Variants in KCTD8 observed in about 807,000 individuals in gnomAD.
KCTD8 encodes the protein BTB/POZ domain-containing protein KCTD8.
A neutral mutation model predicts 31.5 loss-of-function variants in KCTD8; 27 were observed. The ratio of observed to expected loss-of-function variants is 0.86; its 90% confidence interval spans 0.63 to 1.18. The LOEUF is 1.18. Ranked by LOEUF, KCTD8 falls within the 50% of genes most tolerant of loss-of-function variation. The pLI is 0.00. For synonymous variants in KCTD8, 290 were observed against 280.0 expected, an observed-to-expected ratio of 1.04 and a Z score of -0.36; for missense variants, 658 against 647.7, an observed-to-expected ratio of 1.02 and a Z score of -0.17.
chr4:44,387,628 C>A (rs1284773491), intron 1 of KCTD8, among the ~76,000 whole-genome samples: 2 of 151,830 alleles, frequency 1.3e-5, no homozygotes, highest in Non-Finnish European at 1.5e-5. Context: ...GGAAAGGATT[C>A]CCTATTTAAT....
At chr4:44,350,938 T>C (rs1238228089) in intron 1 of KCTD8, among the ~76,000 whole-genome samples, 2 of 152,134 alleles carry the variant, frequency 1.3e-5, no homozygotes, top group East Asian at 1.9e-4. Flanking sequence ...CACTATTGCA[T>C]TCACCAATTA....
At chr4:44,343,335 GC>G (rs1341396103) in intron 1 of KCTD8, among the ~76,000 whole-genome samples, 1 of 152,188 alleles carries the variant, frequency 6.6e-6, no homozygotes, top group Non-Finnish European at 1.5e-5. Flanking sequence ...AGTCAGTACA[GC>G]AGTTAGAATA....
chr4:44,333,261 G>A (rs140113400), intron 1 of KCTD8, among the ~76,000 whole-genome samples: 226 of 152,170 alleles, frequency 1.5e-3, no homozygotes, highest in African/African-American at 5.3e-3. Flanking sequence ...AAAGATGTCA[G>A]CCTATAATGA....
intron 1 of KCTD8, among the ~76,000 whole-genome samples, chr4:44,256,876 G>T (rs898783962): frequency 2.0e-5 from 3 of 151,938 alleles, no homozygotes; most frequent in Admixed American, 1.3e-4. Context: ...TATTAAATTT[G>T]TATTGTTGAA....
intron 1 of KCTD8, among the ~76,000 whole-genome samples, chr4:44,249,317 T>C (rs1041172416): frequency 4.0e-5 from 6 of 151,888 alleles, no homozygotes; most frequent in Non-Finnish European, 7.4e-5. Context: ...TAACAAGGCC[T>C]TTGAATAAAA....
chr4:44,380,497 C>T (rs1002552248), intron 1 of KCTD8, among the ~76,000 whole-genome samples: 1 of 150,878 alleles, frequency 6.6e-6, no homozygotes, highest in Non-Finnish European at 1.5e-5. Flanking sequence ...TTGCAAGGTC[C>T]TAAGACTAAA....
At chr4:44,276,425 T>C (rs564375738) in intron 1 of KCTD8, among the ~76,000 whole-genome samples, 33 of 152,120 alleles carry the variant, frequency 2.2e-4, no homozygotes, top group South Asian at 1.2e-3. Context: ...TGCAGCTATA[T>C]GTATTCCTTT....
chr4:44,381,616 G>A (rs972605936), intron 1 of KCTD8, among the ~76,000 whole-genome samples: 1 of 152,054 alleles, frequency 6.6e-6, no homozygotes, highest in African/African-American at 2.4e-5. Context: ...GTCGAAATGG[G>A]ATTGCCAATG....
chr4:44,366,683 G>A (rs1719648599), intron 1 of KCTD8, among the ~76,000 whole-genome samples: 1 of 152,148 alleles, frequency 6.6e-6, no homozygotes, highest in Non-Finnish European at 1.5e-5. Context: ...AGCAGCAGCA[G>A]CATCAATATT....
intron 1 of KCTD8, among the ~76,000 whole-genome samples, chr4:44,278,359 A>G (rs1183140678): frequency 6.6e-6 from 1 of 151,904 alleles, no homozygotes; most frequent in Non-Finnish European, 1.5e-5. Flanking sequence ...TCCTAACCCC[A>G]CTTTCTGTCT....
chr4:44,209,579 T>C (rs905334996), intron 1 of KCTD8, among the ~76,000 whole-genome samples: 7 of 151,680 alleles, frequency 4.6e-5, no homozygotes, highest in Admixed American at 6.6e-5. Context: ...GATTGATTGA[T>C]TGATTGACTG....
intron 1 of KCTD8, among the ~76,000 whole-genome samples, chr4:44,340,302 A>T (rs1718861833): frequency 7.0e-6 from 1 of 143,080 alleles, no homozygotes; most frequent in East Asian, 2.1e-4. Context: ...ACATATGTAC[A>T]TTTTTGTTTT....
chr4:44,265,128 C>T (rs1028829204), intron 1 of KCTD8, among the ~76,000 whole-genome samples: 2 of 152,144 alleles, frequency 1.3e-5, no homozygotes, highest in Admixed American at 6.5e-5. Flanking sequence ...AGCAGACTAA[C>T]TAGGAGGCAC....
rs1291701619 is a variant in KCTD8 at position 44,411,537 on chromosome 4, T to A, written c.961+36026A>T. 2.6e-5 allele frequency among the ~76,000 whole-genome samples: 4 copies of A among 152,238 alleles called. No homozygotes were observed. The East Asian group carries it at 7.7e-4, about 29-fold the overall frequency. The stretch of plus-strand genomic sequence containing the variant: ...AATGAATGTATGTTTTTTATGTTTT[T>A]TCAAATGTGATACACATGGTGTTAT... On this transcript the variant is annotated intron_variant, in intron 1 of 1. Coordinates refer to ENST00000360029, the MANE Select transcript of KCTD8 (RefSeq NM_198353.3).
intron 1 of KCTD8, among the ~76,000 whole-genome samples, chr4:44,225,531 A>T (rs1714931962): frequency 6.6e-6 from 1 of 152,168 alleles, no homozygotes; most frequent in Admixed American, 6.5e-5. Flanking sequence ...GGTACTTATC[A>T]TATTGGATTT....
chr4:44,366,880 T>C (rs538314502), intron 1 of KCTD8, among the ~76,000 whole-genome samples: 1 of 152,292 alleles, frequency 6.6e-6, no homozygotes, highest in South Asian at 2.1e-4. Context: ...AGAGGAATTT[T>C]GTCATGCTGT....
At chr4:44,375,701 C>T (rs1351578946) in intron 1 of KCTD8, among the ~76,000 whole-genome samples, 1 of 152,096 alleles carries the variant, frequency 6.6e-6, no homozygotes, top group Non-Finnish European at 1.5e-5. Context: ...AAACTGGCTT[C>T]CTGGTGCACA....
intron 1 of KCTD8, among the ~76,000 whole-genome samples, chr4:44,326,247 T>C (rs574910222): frequency 6.6e-6 from 1 of 151,502 alleles, no homozygotes; most frequent in African/African-American, 2.4e-5. Flanking sequence ...GGGCTATTTT[T>C]GCCTTTATGA....
chr4:44,317,660 A>C (rs1438307873), intron 1 of KCTD8, among the ~76,000 whole-genome samples: 2 of 152,196 alleles, frequency 1.3e-5, no homozygotes, highest in Non-Finnish European at 2.9e-5. Flanking sequence ...AGTGCTAAGC[A>C]TGTGGGAATT....
Sources: gnomAD v4.1 joint callset for allele counts (sites outside exome capture counted in the v4.1 genomes callset) on GRCh38, gnomAD v4.1.1 for gene constraint, MANE v1.5 for transcripts, NCBI Gene and HGNC (gene_info 2026-07-23, HGNC 2026-07-21) for gene names.